Variants in CACNA1E observed in about 807,000 individuals in gnomAD.
CACNA1E encodes the protein voltage-dependent R-type calcium channel subunit alpha-1E.
A neutral mutation model predicts 259.2 loss-of-function variants in CACNA1E; 40 were observed. The observed-to-expected ratio is 0.15, with a 90% CI of 0.12 to 0.20. CACNA1E has a LOEUF of 0.20. CACNA1E is among the 10% of genes least tolerant of loss of function. The pLI is 1.00. For missense variants in CACNA1E, 1,874 were observed against 3,040.1 expected, an observed-to-expected ratio of 0.62 and a Z score of 9.02; for synonymous variants, 1,104 against 1,138.5, an observed-to-expected ratio of 0.97 and a Z score of 0.61.
At chr1:181,499,833 G>C (rs969052540) in intron 1 of CACNA1E, among the ~76,000 whole-genome samples, 2 of 152,200 alleles carry the variant, frequency 1.3e-5, no homozygotes, top group Non-Finnish European at 2.9e-5. Context: ...AGACCGAGGG[G>C]AGCCAGTTAC....
At chr1:181,482,130 G>T (rs1340308493), upstream of CACNA1E, among the ~76,000 whole-genome samples, 1 of 152,228 alleles carries the variant, frequency 6.6e-6, no homozygotes, top group Non-Finnish European at 1.5e-5. Context: ...GGTGCTAAGT[G>T]GGGAGATGGG....
intron 6 of CACNA1E, among the ~76,000 whole-genome samples, chr1:181,627,738 T>C (rs1487963019): frequency 6.6e-6 from 1 of 152,222 alleles, no homozygotes; most frequent in Non-Finnish European, 1.5e-5. Flanking sequence ...ATTGTGTCAC[T>C]AACATGCTTA....
chr1:181,502,608 C>G (rs2102573114), intron 1 of CACNA1E, among the ~76,000 whole-genome samples: 1 of 152,336 alleles, frequency 6.6e-6, no homozygotes, highest in Admixed American at 6.5e-5. Flanking sequence ...CTGACTTCTA[C>G]TTTATGCCAT....
chr1:181,430,727 A>T (rs1659658379), intron 2 of CACNA1E, among the ~76,000 whole-genome samples: 2 of 152,184 alleles, frequency 1.3e-5, no homozygotes. Context: ...TTTTGAAAGA[A>T]TTTTACCAAA....
intron 18 of CACNA1E, among the ~76,000 whole-genome samples, chr1:181,730,729 T>C (rs905567957): frequency 1.3e-5 from 2 of 152,246 alleles, no homozygotes; most frequent in Non-Finnish European, 2.9e-5. Flanking sequence ...GGTTCTGCTA[T>C]GGGAGTCATG....
At chr1:181,397,463 G>C (rs1470598316) in intron 1 of CACNA1E, among the ~76,000 whole-genome samples, 2 of 152,130 alleles carry the variant, frequency 1.3e-5, no homozygotes, top group African/African-American at 4.8e-5. Flanking sequence ...ACCACACCAG[G>C]CTAATTTTTG....
chr1:181,369,381 G>A (rs771598351), intron 1 of CACNA1E, among the ~76,000 whole-genome samples: 1 of 152,202 alleles, frequency 6.6e-6, no homozygotes, highest in East Asian at 1.9e-4. Flanking sequence ...GTGGTGTCAC[G>A]AGCCTTGCTC....
chr1:181,442,022 C>T (rs1038689936), intron 2 of CACNA1E, among the ~76,000 whole-genome samples: 1 of 152,130 alleles, frequency 6.6e-6, no homozygotes, highest in Non-Finnish European at 1.5e-5. Context: ...TCAACACAAT[C>T]ACAGTATTTT....
intron 6 of CACNA1E, among the ~76,000 whole-genome samples, chr1:181,627,358 A>C (rs1656293718): frequency 6.6e-6 from 1 of 152,224 alleles, no homozygotes; most frequent in African/African-American, 2.4e-5. Context: ...CAGAATATGA[A>C]AATGGGGCAT....
At chr1:181,667,436 TGA>T (rs990610981) in intron 7 of CACNA1E, among the ~76,000 whole-genome samples, 165 of 152,266 alleles carry the variant, frequency 1.1e-3, no homozygotes, top group African/African-American at 3.9e-3. Flanking sequence ...GCTCTTATTC[TGA>T]GAGAAAGGTT....
chr1:181,789,684 T>TAACA (rs1661128893), intron 43 of CACNA1E, among the ~76,000 whole-genome samples: 1 of 152,212 alleles, frequency 6.6e-6, no homozygotes, highest in Non-Finnish European at 1.5e-5. Flanking sequence ...CTTTCTCTCC[T>TAACA]AACAAGCCCA....
chr1:181,350,908 C>T (rs79278315), intron 1 of CACNA1E, among the ~76,000 whole-genome samples: 3 of 152,022 alleles, frequency 2.0e-5, no homozygotes, highest in African/African-American at 7.3e-5. Context: ...AAATGCAGTC[C>T]CTGTGCTTTG....
chr1:181,499,988 T>C (rs868591980), intron 1 of CACNA1E, among the ~76,000 whole-genome samples: 8 of 152,194 alleles, frequency 5.3e-5, no homozygotes, highest in African/African-American at 7.2e-5. Context: ...TTAATTCTTA[T>C]GTGTCACTGC....
At chr1:181,551,487 G>T (rs1008760626) in intron 3 of CACNA1E, among the ~76,000 whole-genome samples, 2 of 152,194 alleles carry the variant, frequency 1.3e-5, no homozygotes, top group African/African-American at 2.4e-5. Flanking sequence ...TTGCTGCGGT[G>T]TTGAAATCTT....
intron 37 of CACNA1E, among the ~76,000 whole-genome samples, chr1:181,775,760 T>A (rs529092000): frequency 6.6e-6 from 1 of 152,362 alleles, no homozygotes; most frequent in South Asian, 2.1e-4. Flanking sequence ...ACCATCGTGT[T>A]CATTTGTATA....
In CACNA1E at chr1:181,798,338, C is replaced by A; in HGVS notation, c.6446C>A (p.Thr2149Asn). ...AGCTCCATCCCCTCTGTCTCTGACACCAGCACCCCAAGAAGAAGTCGTCGG... is the reference window on the plus strand; with the variant it reads ...AGCTCCATCCCCTCTGTCTCTGACAACAGCACCCCAAGAAGAAGTCGTCGG... ...SESSIPSVSD[T>N]STPRRSRRQL... The change falls in exon 48 of 48, where the codon ACC becomes AAC. Residue 2149 changes from threonine to asparagine, a missense_variant. Physicochemically the swap from Thr to Asn is moderately conservative, Grantham distance 65. Transcript: ENST00000367573. The surrounding 1 kb of genome is among the most constrained non-coding windows in gnomAD (Gnocchi z 4.2). 1.9e-6 allele frequency: 3 copies of A among 1,608,736 alleles called. No homozygotes were observed. Among genetic ancestry groups the A allele is most frequent in the Non-Finnish European group, 2.5e-6 (3 of 1,178,682 alleles).
chr1:181,469,324 A>T (rs183483252), intron 2 of CACNA1E, among the ~76,000 whole-genome samples: 4 of 152,236 alleles, frequency 2.6e-5, no homozygotes, highest in Non-Finnish European at 4.4e-5. Flanking sequence ...GGGCTTGGGG[A>T]ATGCTTGTTG....
rs953558945 is a variant in CACNA1E at position 181,485,722 on chromosome 1, G to A, written c.266+1712G>A. Reference sequence around the variant, plus strand: ...GCAAATATTCCTCTAGGCAGTCTACGGATTTCCCAGCTGGGCCCTCCTTTC... The same window carrying A: ...GCAAATATTCCTCTAGGCAGTCTACAGATTTCCCAGCTGGGCCCTCCTTTC... On this transcript the variant is annotated intron_variant, in intron 1 of 47. Transcript: ENST00000367573. The surrounding 1 kb of genome is among the most constrained non-coding windows in gnomAD (Gnocchi z 4.2). 1.3e-5 allele frequency among the ~76,000 whole-genome samples: 2 copies of A among 152,208 alleles called. No individual in the cohort carries two copies. The highest frequency in any genetic ancestry group is 2.9e-5 in the Non-Finnish European group (2 of 68,026).
chr1:181,396,917 A>G (rs1656719156), intron 1 of CACNA1E, among the ~76,000 whole-genome samples: 1 of 152,206 alleles, frequency 6.6e-6, no homozygotes, highest in Non-Finnish European at 1.5e-5. Context: ...TAAAGACTGG[A>G]GCTACTTTAT....
Sources: gnomAD v4.1 joint callset for allele counts (sites outside exome capture counted in the v4.1 genomes callset) on GRCh38, gnomAD v4.1.1 for gene constraint, Gnocchi (gnomAD v3.1) non-coding constraint, MANE v1.5 for transcripts, NCBI Gene and HGNC (gene_info 2026-07-23, HGNC 2026-07-21) for gene names.